Variants in HYAL4 observed in about 807,000 individuals in gnomAD.
The protein encoded by HYAL4 is hyaluronidase-4.
HYAL4 carries 37 observed loss-of-function variants against 35.2 expected under a neutral mutation model. The observed-to-expected ratio is 1.05, with a 90% CI of 0.81 to 1.38. HYAL4 has a LOEUF of 1.38. HYAL4 is among the 40% of genes most tolerant of loss of function. The pLI is 0.00. For missense variants in HYAL4, 572 were observed against 572.4 expected, an observed-to-expected ratio of 1.00 and a Z score of 0.01; for synonymous variants, 198 against 203.2, an observed-to-expected ratio of 0.97 and a Z score of 0.22.
chr7:123,825,314 T>A (rs1373864019), upstream of HYAL4, among the ~76,000 whole-genome samples: 1 of 152,170 alleles, frequency 6.6e-6, no homozygotes, highest in Non-Finnish European at 1.5e-5. Context: ...AATTCTCTTT[T>A]AGATTCCTGA....
the HYAL4 span, among the ~76,000 whole-genome samples, chr7:123,766,491 T>C: frequency 6.6e-6 from 1 of 152,144 alleles, no homozygotes; most frequent in Non-Finnish European, 1.5e-5. Context: ...ATTAGATCCC[T>C]GAAAGGCTGC....
chr7:123,852,798 A>G (rs537605205), intron 2 of HYAL4, among the ~76,000 whole-genome samples: 7 of 152,170 alleles, frequency 4.6e-5, no homozygotes, highest in Non-Finnish European at 1.0e-4. Context: ...CTTGATGGGA[A>G]TAGCATTGAA....
At chr7:123,866,104 A>G (rs964164289) in intron 2 of HYAL4, among the ~76,000 whole-genome samples, 3 of 152,200 alleles carry the variant, frequency 2.0e-5, no homozygotes, top group African/African-American at 7.2e-5. Context: ...GCTACAATTC[A>G]AGATGAGATT....
the HYAL4 span, among the ~76,000 whole-genome samples, chr7:123,795,045 C>T: frequency 2.2e-4 from 33 of 152,340 alleles, no homozygotes; most frequent in East Asian, 1.9e-3. Flanking sequence ...CATCAGCATG[C>T]GCTGGATGTG....
At chr7:123,821,984 A>G in the HYAL4 span, among the ~76,000 whole-genome samples, 1 of 152,096 alleles carries the variant, frequency 6.6e-6, no homozygotes, top group African/African-American at 2.4e-5. Context: ...TGGACTCTCT[A>G]TTCTGTTCCT....
the HYAL4 span, among the ~76,000 whole-genome samples, chr7:123,808,490 A>G: frequency 6.7e-6 from 1 of 149,520 alleles, no homozygotes; most frequent in Non-Finnish European, 1.5e-5. Context: ...CCATCTCAGT[A>G]GGTTCACATT....
intron 3 of HYAL4, among the ~76,000 whole-genome samples, chr7:123,871,479 A>G (rs1173051241): frequency 6.6e-6 from 1 of 152,174 alleles, no homozygotes; most frequent in Admixed American, 6.5e-5. Flanking sequence ...GGTGTGAGCC[A>G]CTGCGCCCGG....
chr7:123,842,648 C>G (rs1259831997), upstream of HYAL4, among the ~76,000 whole-genome samples: 1 of 151,898 alleles, frequency 6.6e-6, no homozygotes, highest in East Asian at 1.9e-4. Flanking sequence ...CTTTGTAGGT[C>G]TCTAAGGACT....
Position 123,876,769 on chromosome 7 carries a change from G to C in HYAL4, c.1060G>C (p.Val354Leu), listed in dbSNP as rs1584930588. ...LTASKANCTKVKQFVSSDLGS... is the reference protein window; with the variant it reads ...LTASKANCTKLKQFVSSDLGS... ...ACATTTCTAGGCCAACTGTACAAAG[G>C]TGAAGCAGTTTGTGAGTTCTGATTT... Residue 354 changes from valine (V) to leucine (L), a missense_variant, in exon 5 of 5, where the codon GTG becomes CTG. Transcript: ENST00000223026. The C allele has an allele frequency of 6.2e-7, 1 of 1,613,566 alleles. No homozygotes were observed. Among genetic ancestry groups the C allele is most frequent in the East Asian group, 2.2e-5 (1 of 44,856 alleles).
At chr7:123,816,313 G>T in the HYAL4 span, among the ~76,000 whole-genome samples, 1 of 152,072 alleles carries the variant, frequency 6.6e-6, no homozygotes, top group Non-Finnish European at 1.5e-5. Context: ...AGGATATCAG[G>T]CCTGCCTACC....
At chr7:123,782,521 TA>T in the HYAL4 span, among the ~76,000 whole-genome samples, 42 of 148,762 alleles carry the variant, frequency 2.8e-4, no homozygotes, top group African/African-American at 6.4e-4. Context: ...AAAGTGTATT[TA>T]AAAAAAAAAC....
chr7:123,774,729 T>TG, the HYAL4 span, among the ~76,000 whole-genome samples: 2 of 152,222 alleles, frequency 1.3e-5, no homozygotes, highest in African/African-American at 4.8e-5. Flanking sequence ...AGATCTCACC[T>TG]GCCTATTCAG....
chr7:123,855,282 ATTTTCT>A (rs1321711728), intron 2 of HYAL4, among the ~76,000 whole-genome samples: 1 of 151,978 alleles, frequency 6.6e-6, no homozygotes, highest in Non-Finnish European at 1.5e-5. Flanking sequence ...TGGTCAATGC[ATTTTCT>A]TCACAGTGTT....
At chr7:123,858,888 A>G (rs1043992840) in intron 2 of HYAL4, among the ~76,000 whole-genome samples, 1 of 152,188 alleles carries the variant, frequency 6.6e-6, no homozygotes, top group Non-Finnish European at 1.5e-5. Context: ...GACTTCTGTT[A>G]TATTGCACTG....
At chr7:123,771,355 C>T in the HYAL4 span, among the ~76,000 whole-genome samples, 2 of 152,172 alleles carry the variant, frequency 1.3e-5, no homozygotes, top group African/African-American at 2.4e-5. Context: ...ACTACATGTA[C>T]GTGTTGCTGT....
the HYAL4 span, among the ~76,000 whole-genome samples, chr7:123,816,553 C>T: frequency 6.6e-6 from 1 of 152,106 alleles, no homozygotes. Context: ...ATGAGATGAG[C>T]CACATTTTCA....
chr7:123,813,119 G>T, the HYAL4 span, among the ~76,000 whole-genome samples: 15 of 151,998 alleles, frequency 9.9e-5, no homozygotes, highest in East Asian at 2.9e-3. Flanking sequence ...AATTTAGTAC[G>T]TTAAATAAAG....
the HYAL4 span, chr7:123,814,557 A>C: frequency 2.0e-5 from 3 of 152,740 alleles, no homozygotes; most frequent in East Asian, 5.8e-4. Context: ...TGGAAACCCC[A>C]ATGGGATAGA....
intron 1 of HYAL4, among the ~76,000 whole-genome samples, chr7:123,836,331 T>C (rs1402748739): frequency 1.3e-5 from 2 of 152,230 alleles, no homozygotes; most frequent in Non-Finnish European, 2.9e-5. Context: ...TACTACATCA[T>C]GTCCTTCTTT....
Sources: gnomAD v4.1 joint callset for allele counts (sites outside exome capture counted in the v4.1 genomes callset) on GRCh38, gnomAD v4.1.1 for gene constraint, MANE v1.5 for transcripts, NCBI Gene and HGNC (gene_info 2026-07-23, HGNC 2026-07-21) for gene names.